The following TIAM1 variants were observed in gnomAD, a reference collection of about 807,000 sequenced individuals.
TIAM1 encodes rho guanine nucleotide exchange factor TIAM1.
A neutral mutation model predicts 163.5 loss-of-function variants in TIAM1; 65 were observed. That is an observed-to-expected ratio of 0.40 (90% CI 0.33 to 0.49). The LOEUF (loss-of-function observed/expected upper bound fraction) is 0.49, where lower values mean the gene tolerates loss of function less well. TIAM1 is among the 20% of genes least tolerant of loss of function. TIAM1 has a pLI of 0.77. For synonymous variants in TIAM1, 833 were observed against 810.1 expected, an observed-to-expected ratio of 1.03 and a Z score of -0.48; for missense variants, 1,789 against 2,044.7, an observed-to-expected ratio of 0.87 and a Z score of 2.41.
At chr21:31,229,641 C>T (rs1027065304) in intron 6 of TIAM1, among the ~76,000 whole-genome samples, 6 of 149,948 alleles carry the variant, frequency 4.0e-5, no homozygotes, top group Middle Eastern at 3.4e-3. Flanking sequence ...TAGGGGAGTT[C>T]GTGTCTTCAC....
At chr21:31,284,325 C>T (rs1428094942) in intron 2 of TIAM1, among the ~76,000 whole-genome samples, 1 of 152,166 alleles carries the variant, frequency 6.6e-6, no homozygotes, top group Non-Finnish European at 1.5e-5. Context: ...TATCCAACAA[C>T]TCATTTTCCA....
intron 1 of TIAM1, among the ~76,000 whole-genome samples, chr21:31,521,206 C>T (rs1469722734): frequency 6.6e-6 from 1 of 152,114 alleles, no homozygotes; most frequent in Non-Finnish European, 1.5e-5. Context: ...TTAATGAGGT[C>T]GGCTTTCTAT....
At chr21:31,145,194 T>C (rs537791050) in intron 20 of TIAM1, among the ~76,000 whole-genome samples, 1 of 152,324 alleles carries the variant, frequency 6.6e-6, no homozygotes, top group South Asian at 2.1e-4. Flanking sequence ...CCCTTTTCAT[T>C]TGAGGTTCCA....
At chr21:31,190,559 T>C (rs979530250) in intron 13 of TIAM1, among the ~76,000 whole-genome samples, 3 of 152,112 alleles carry the variant, frequency 2.0e-5, no homozygotes, top group African/African-American at 4.8e-5. Flanking sequence ...CAGGCACCTA[T>C]AACATGAGGA....
intron 2 of TIAM1, among the ~76,000 whole-genome samples, chr21:31,353,005 T>C (rs997490841): frequency 3.9e-5 from 6 of 152,202 alleles, no homozygotes; most frequent in Non-Finnish European, 8.8e-5. Context: ...TAAGTGATTT[T>C]CTCTGATTGT....
chr21:31,267,070 A>G, intron 3 of TIAM1, 87 bp from the exon 4 acceptor site: 3 of 1,492,500 alleles, frequency 2.0e-6, no homozygotes, highest in Non-Finnish European at 2.7e-6. Flanking sequence ...GCCTGCAGGG[A>G]GGGCAGAACA....
chr21:31,343,627 G>A (rs2076083193), intron 1 of TIAM1, among the ~76,000 whole-genome samples: 1 of 152,028 alleles, frequency 6.6e-6, no homozygotes, highest in Non-Finnish European at 1.5e-5. Context: ...AGGTGCGGTC[G>A]GGAGCCACAG....
chr21:31,153,104 T>G lies in TIAM1; in HGVS notation c.3202A>C (p.Lys1068Gln). 1 of 1,613,548 alleles carries G rather than the reference T, an allele frequency of 6.2e-7. No individual in the cohort carries two copies. Among genetic ancestry groups the G allele is most frequent in the Non-Finnish European group, 8.5e-7 (1 of 1,179,850 alleles). ...AGAAAAGTTTCTTTTTGAAGAGGCT[T>G]TAGGTATCTCTCCATAAGACAGTTT... ...DLNCLMERYL[K>Q]PLQKETFLTQ... The change falls in exon 18 of 28, where the codon AAG (lysine) becomes CAG (glutamine). Residue 1068 changes from lysine to glutamine, a missense_variant. Physicochemically the swap from Lys to Gln is moderately conservative, Grantham distance 53. Transcript: ENST00000541036.
intron 2 of TIAM1, among the ~76,000 whole-genome samples, chr21:31,431,739 T>C (rs1487931462): frequency 2.6e-5 from 4 of 152,240 alleles, no homozygotes; most frequent in Non-Finnish European, 4.4e-5. Context: ...CCAAAGCCTG[T>C]ACAGTATGGT....
chr21:31,438,179 CTTTTTTTTT>C (rs34844399), intron 2 of TIAM1, among the ~76,000 whole-genome samples: 12 of 62,718 alleles, frequency 1.9e-4, no homozygotes, highest in Admixed American at 1.4e-3. Context: ...TATTTGTGAT[CTTTTTTTTT>C]TTTTTTTTTT....
At chr21:31,527,155 C>T (rs2047815192) in intron 1 of TIAM1, among the ~76,000 whole-genome samples, 1 of 152,286 alleles carries the variant, frequency 6.6e-6, no homozygotes, top group Non-Finnish European at 1.5e-5. Context: ...AGCCTAGAAG[C>T]TCTGCACACC....
chr21:31,347,686 C>T (rs934420470), upstream of TIAM1, among the ~76,000 whole-genome samples: 1 of 152,170 alleles, frequency 6.6e-6, no homozygotes, highest in Non-Finnish European at 1.5e-5. Flanking sequence ...GGGAATGACG[C>T]TAAATGATAC....
intron 2 of TIAM1, among the ~76,000 whole-genome samples, chr21:31,384,929 GCACACACA>G (rs373621125): frequency 6.6e-6 from 1 of 151,922 alleles, no homozygotes; most frequent in Non-Finnish European, 1.5e-5. Flanking sequence ...ACCCACACAA[GCACACACA>G]CACACTGATA....
At chr21:31,439,704 G>A (rs187744008) in intron 2 of TIAM1, among the ~76,000 whole-genome samples, 7 of 152,294 alleles carry the variant, frequency 4.6e-5, no homozygotes, top group East Asian at 1.9e-4. Context: ...ATCCAAGCAC[G>A]CTGTACGCCA....
chr21:31,556,087 C>T (rs2048867923), intron 1 of TIAM1, among the ~76,000 whole-genome samples: 1 of 152,068 alleles, frequency 6.6e-6, no homozygotes, highest in Non-Finnish European at 1.5e-5. Flanking sequence ...ACCACGTGCT[C>T]CCTTTTAAGT....
intron 4 of TIAM1, among the ~76,000 whole-genome samples, chr21:31,256,817 G>C (rs1443386762): frequency 2.0e-5 from 3 of 152,160 alleles, no homozygotes; most frequent in African/African-American, 7.2e-5. Context: ...GACACTGTGA[G>C]ATTGAGTTAA....
chr21:31,420,669 C>G (rs531470491), intron 2 of TIAM1, among the ~76,000 whole-genome samples: 49 of 152,276 alleles, frequency 3.2e-4, no homozygotes, highest in South Asian at 1.9e-3. Context: ...CTTTGTCCAG[C>G]AGAGTAGAAT....
chr21:31,490,564 C>T (rs572307113), intron 1 of TIAM1, among the ~76,000 whole-genome samples: 1 of 152,156 alleles, frequency 6.6e-6, no homozygotes, highest in African/African-American at 2.4e-5. Context: ...AGGGAACCGC[C>T]GCTGCCCAGC....
At chr21:31,221,565 C>G (rs371456929) in intron 8 of TIAM1, among the ~76,000 whole-genome samples, 177 of 152,300 alleles carry the variant, frequency 1.2e-3, no homozygotes, top group African/African-American at 3.8e-3. Flanking sequence ...AAACGGTAAC[C>G]TTCTCAGGGA....
Sources: gnomAD v4.1 joint callset for allele counts (sites outside exome capture counted in the v4.1 genomes callset) on GRCh38, gnomAD v4.1.1 for gene constraint, MANE v1.5 for transcripts, NCBI Gene and HGNC (gene_info 2026-07-23, HGNC 2026-07-21) for gene names.